Variants in UBE3C observed in about 807,000 individuals in gnomAD.
UBE3C encodes the protein ubiquitin-protein ligase E3C.
UBE3C carries 42 observed loss-of-function variants against 129.4 expected under a neutral mutation model. The observed-to-expected ratio is 0.32, with a 90% CI of 0.25 to 0.42. The LOEUF (loss-of-function observed/expected upper bound fraction) is 0.42. Ranked by LOEUF, UBE3C falls within the 10% of genes least tolerant of loss-of-function variation. The pLI is 1.00. For synonymous variants in UBE3C, 510 were observed against 492.4 expected, an observed-to-expected ratio of 1.04 and a Z score of -0.47; for missense variants, 1,049 against 1,319.1, an observed-to-expected ratio of 0.80 and a Z score of 3.17.
intron 1 of UBE3C, 34 bp from the exon 2 acceptor site, chr7:157,163,776 A>C (rs770626690): frequency 1.3e-6 from 2 of 1,599,844 alleles, no homozygotes; most frequent in South Asian, 2.3e-5. Context: ...TTGAAATTAT[A>C]ACCTTACCTC....
chr7:157,209,212 G>A (rs765208843), intron 13 of UBE3C, among the ~76,000 whole-genome samples: 1 of 152,156 alleles, frequency 6.6e-6, no homozygotes, highest in Admixed American at 6.5e-5. Context: ...CCAAGTCCAC[G>A]AGAGTCTCTC....
At chr7:157,189,822 G>A (rs569904228) in intron 10 of UBE3C, among the ~76,000 whole-genome samples, 107 of 123,460 alleles carry the variant, frequency 8.7e-4, no homozygotes, top group African/African-American at 3.7e-3. Flanking sequence ...AGTTTGTGAC[G>A]GAGTCTCTTG....
chr7:157,164,647 G>T (rs1029595060), intron 2 of UBE3C: 1 of 335,920 alleles, frequency 3.0e-6, no homozygotes, highest in African/African-American at 2.2e-5. Flanking sequence ...CTTATGACCT[G>T]CTTTTTTAGG....
chr7:157,223,789 A>C (rs528752650), intron 16 of UBE3C, among the ~76,000 whole-genome samples: 21 of 152,198 alleles, frequency 1.4e-4, no homozygotes, highest in African/African-American at 5.1e-4. Context: ...GCGTGGTGGC[A>C]TGTACCTGTA....
chr7:157,163,526 T>A (rs1808132006), intron 1 of UBE3C, among the ~76,000 whole-genome samples: 1 of 152,186 alleles, frequency 6.6e-6, no homozygotes, highest in South Asian at 2.1e-4. Flanking sequence ...GCACCAGTCT[T>A]ACTCAACATT....
intron 1 of UBE3C, among the ~76,000 whole-genome samples, chr7:157,149,793 T>C (rs1807709306): frequency 6.6e-6 from 1 of 152,232 alleles, no homozygotes; most frequent in African/African-American, 2.4e-5. Context: ...TTAATTCTTC[T>C]ATTATAGAAT....
intron 2 of UBE3C, among the ~76,000 whole-genome samples, chr7:157,164,946 C>T (rs185540698): frequency 4.3e-4 from 65 of 152,250 alleles, no homozygotes; most frequent in Admixed American, 1.4e-3. Flanking sequence ...GATTTTCCAA[C>T]CTTGGTGCTG....
chr7:157,164,404 C>T (rs184026638), intron 2 of UBE3C: 6 of 456,640 alleles, frequency 1.3e-5, no homozygotes, highest in Middle Eastern at 3.3e-4. Flanking sequence ...AATCGCCTCC[C>T]TCATTTTCCC....
intron 10 of UBE3C, among the ~76,000 whole-genome samples, chr7:157,190,764 TC>T (rs1387443640): frequency 6.6e-6 from 1 of 152,204 alleles, no homozygotes; most frequent in Non-Finnish European, 1.5e-5. Context: ...TTGTGCAGTA[TC>T]CCCTTGTTAT....
chr7:157,267,057 C>A (rs1415545321), intron 22 of UBE3C, among the ~76,000 whole-genome samples: 3 of 152,142 alleles, frequency 2.0e-5, no homozygotes, highest in Admixed American at 2.0e-4. Context: ...TTATTTATCC[C>A]TTTTTATGCC....
At chr7:157,183,440 G>T (rs1323930789) in intron 8 of UBE3C, among the ~76,000 whole-genome samples, 1 of 152,182 alleles carries the variant, frequency 6.6e-6, no homozygotes, top group African/African-American at 2.4e-5. Flanking sequence ...GCACCTCCCT[G>T]TGTTGAGCTC....
intron 1 of UBE3C, among the ~76,000 whole-genome samples, chr7:157,152,027 A>G (rs1807769539): frequency 6.6e-6 from 1 of 152,184 alleles, no homozygotes; most frequent in Non-Finnish European, 1.5e-5. Context: ...TGGACTGGGT[A>G]GGATTCTTAG....
chr7:157,151,994 A>G (rs1484614015), intron 1 of UBE3C, among the ~76,000 whole-genome samples: 1 of 152,204 alleles, frequency 6.6e-6, no homozygotes, highest in Non-Finnish European at 1.5e-5. Context: ...CAGAACCCCA[A>G]GCAAGCATCA....
intron 9 of UBE3C, among the ~76,000 whole-genome samples, chr7:157,185,213 C>T (rs892179119): frequency 3.3e-5 from 5 of 152,348 alleles, no homozygotes; most frequent in African/African-American, 1.2e-4. Flanking sequence ...GGTTTTTCCT[C>T]GCTGTGGGTG....
At chr7:157,144,690 T>TTA (rs1807556480) in intron 1 of UBE3C, among the ~76,000 whole-genome samples, 2 of 151,274 alleles carry the variant, frequency 1.3e-5, no homozygotes, top group African/African-American at 2.4e-5. Flanking sequence ...GTGCTTTTTT[T>TTA]AAAAAAAAAT....
At chr7:157,223,417 C>A in intron 16 of UBE3C, 66 bp downstream of exon 16, 2 of 1,393,656 alleles carry the variant, frequency 1.4e-6, no homozygotes, top group Non-Finnish European at 2.0e-6. Flanking sequence ...AACACACACC[C>A]ACCAGAGAAA....
intron 1 of UBE3C, among the ~76,000 whole-genome samples, chr7:157,154,750 T>A (rs1328944623): frequency 6.6e-6 from 1 of 152,234 alleles, no homozygotes; most frequent in Non-Finnish European, 1.5e-5. Flanking sequence ...CTTCATTTTT[T>A]CTCTAGTCAA....
intron 13 of UBE3C, among the ~76,000 whole-genome samples, chr7:157,215,816 G>A (rs753512304): frequency 6.6e-6 from 1 of 151,858 alleles, no homozygotes; most frequent in Non-Finnish European, 1.5e-5. Flanking sequence ...ATTTCTATTC[G>A]GTAGAGAACT....
In UBE3C at chr7:157,144,543, A is replaced by G. The variant is rs573811553; in HGVS notation, c.66+5205A>G. Reference sequence around the variant, plus strand: ...ACTGAGTGGGAGCAGGCAATGGGAAATATTTTGAGACTTAAAGAAGCTAGG... The same window carrying G: ...ACTGAGTGGGAGCAGGCAATGGGAAGTATTTTGAGACTTAAAGAAGCTAGG... On this transcript the variant is annotated intron_variant, in intron 1 of 22. Coordinates refer to ENST00000348165, the MANE Select transcript of UBE3C (RefSeq NM_014671.3). Among the ~76,000 whole-genome samples the G allele has an allele frequency of 1.9e-4, 29 of 152,260 alleles. No homozygotes were observed. In the South Asian group the frequency reaches 4.6e-3, roughly 24 times the overall value.
Sources: gnomAD v4.1 joint callset for allele counts (sites outside exome capture counted in the v4.1 genomes callset) on GRCh38, gnomAD v4.1.1 for gene constraint, MANE v1.5 for transcripts, NCBI Gene and HGNC (gene_info 2026-07-23, HGNC 2026-07-21) for gene names.